Variants in CDH18 observed in about 807,000 individuals in gnomAD.
CDH18 encodes cadherin 18, also known as cadherin-18.
CDH18 carries 31 observed loss-of-function variants against 67.9 expected under a neutral mutation model. That is an observed-to-expected ratio of 0.46 (90% CI 0.34 to 0.62). CDH18 has a LOEUF of 0.62. Among genes scored for constraint, CDH18 ranks in the 20% least tolerant of loss-of-function variants. The pLI, the probability that CDH18 is intolerant of heterozygous loss-of-function variation, is 0.01. For synonymous variants in CDH18, 362 were observed against 347.2 expected, an observed-to-expected ratio of 1.04 and a Z score of -0.48; for missense variants, 890 against 975.5, an observed-to-expected ratio of 0.91 and a Z score of 1.17.
chr5:19,997,190 T>G (rs935542995), intron 2 of CDH18, among the ~76,000 whole-genome samples: 2 of 152,040 alleles, frequency 1.3e-5, no homozygotes, highest in Non-Finnish European at 2.9e-5. Context: ...GAAAAACTTT[T>G]AAAACAAAAT....
intron 2 of CDH18, among the ~76,000 whole-genome samples, chr5:19,935,825 TCTCA>T (rs1561588142): frequency 5.3e-5 from 8 of 150,082 alleles, no homozygotes; most frequent in East Asian, 2.0e-4. Context: ...TCTCTCTCTC[TCTCA>T]CTCTCTCTCT....
At chr5:20,011,126 T>C (rs1737402684) in intron 2 of CDH18, among the ~76,000 whole-genome samples, 1 of 152,176 alleles carries the variant, frequency 6.6e-6, no homozygotes. Context: ...AAAATAATCA[T>C]TCATTGGAAC....
intron 2 of CDH18, among the ~76,000 whole-genome samples, chr5:20,192,104 G>A (rs370957914): frequency 1.3e-5 from 2 of 151,888 alleles, no homozygotes; most frequent in Non-Finnish European, 2.9e-5. Flanking sequence ...TTTCTCTGAT[G>A]ATCAGTGATA....
intron 10 of CDH18, among the ~76,000 whole-genome samples, chr5:19,507,515 A>T (rs1033030306): frequency 3.3e-5 from 5 of 152,162 alleles, no homozygotes; most frequent in Non-Finnish European, 7.3e-5. Context: ...CAAATGTCCA[A>T]CAATGATAGA....
intron 3 of CDH18, among the ~76,000 whole-genome samples, chr5:19,767,190 T>A (rs1773204160): frequency 6.6e-6 from 1 of 152,002 alleles, no homozygotes; most frequent in Admixed American, 6.6e-5. Context: ...ATATAAAAAA[T>A]GTGTTTTTTT....
chr5:19,734,085 T>A (rs1470577386), intron 4 of CDH18, among the ~76,000 whole-genome samples: 1 of 152,202 alleles, frequency 6.6e-6, no homozygotes, highest in Non-Finnish European at 1.5e-5. Context: ...GCAACAAAAT[T>A]TCACAGTGTT....
intron 3 of CDH18, among the ~76,000 whole-genome samples, chr5:19,771,470 C>T (rs1773722785): frequency 6.6e-6 from 1 of 152,110 alleles, no homozygotes; most frequent in South Asian, 2.1e-4. Context: ...CTGAGGCCTG[C>T]CCAGAGACAC....
At chr5:20,366,259 T>C (rs923613742) in intron 1 of CDH18, among the ~76,000 whole-genome samples, 1 of 152,176 alleles carries the variant, frequency 6.6e-6, no homozygotes, top group Non-Finnish European at 1.5e-5. Flanking sequence ...TGGAGAATAA[T>C]GATTGATGCA....
At chr5:19,488,041 A>T (rs1337691663) in intron 11 of CDH18, among the ~76,000 whole-genome samples, 1 of 152,164 alleles carries the variant, frequency 6.6e-6, no homozygotes, top group African/African-American at 2.4e-5. Context: ...AATACAAGTC[A>T]CATGCTTCTG....
intron 4 of CDH18, among the ~76,000 whole-genome samples, chr5:19,736,265 C>T (rs967862160): frequency 6.6e-6 from 1 of 151,994 alleles, no homozygotes; most frequent in Admixed American, 6.6e-5. Context: ...GTAGCACACG[C>T]CTTTAGGTGG....
At chr5:20,189,603 A>G (rs974681386) in intron 2 of CDH18, among the ~76,000 whole-genome samples, 5 of 152,172 alleles carry the variant, frequency 3.3e-5, no homozygotes, top group African/African-American at 1.2e-4. Context: ...TGACATAGCC[A>G]AAGGCTAGAG....
chr5:20,105,892 T>A (rs1315192951), intron 2 of CDH18, among the ~76,000 whole-genome samples: 1 of 152,174 alleles, frequency 6.6e-6, no homozygotes, highest in Non-Finnish European at 1.5e-5. Context: ...GGAAAGTATC[T>A]CTTTGAGTCT....
intron 1 of CDH18, among the ~76,000 whole-genome samples, chr5:20,539,444 T>C (rs138979279): frequency 6.6e-6 from 1 of 152,226 alleles, no homozygotes; most frequent in African/African-American, 2.4e-5. Context: ...ATGTTTCTGG[T>C]AGACTTACAA....
At chr5:20,126,454 G>C (rs561985905) in intron 2 of CDH18, among the ~76,000 whole-genome samples, 7 of 152,168 alleles carry the variant, frequency 4.6e-5, no homozygotes, top group Non-Finnish European at 1.0e-4. Context: ...AACTAAAGTA[G>C]AGAGGTGGGA....
chr5:19,883,779 ATCTCAACTTG>A, intron 2 of CDH18, among the ~76,000 whole-genome samples: 1 of 152,228 alleles, frequency 6.6e-6, no homozygotes, highest in South Asian at 2.1e-4. Context: ...GCAGAACTAA[ATCTCAACTTG>A]TAAATATACA....
Position 19,543,101 on chromosome 5 carries a change from A to G in CDH18, c.1390+768T>C, listed in dbSNP as rs532158193. Among the ~76,000 whole-genome samples the G allele has an allele frequency of 2.0e-5, 3 of 152,232 alleles. No individual in the cohort carries two copies. In the South Asian group the frequency reaches 6.2e-4, roughly 32 times the overall value. Reference sequence around the variant, plus strand: ...CTAAATGTATGTATAACCTCTTCGTACACTTTTAAAGTGAGGATAATTGGT... The same window carrying G: ...CTAAATGTATGTATAACCTCTTCGTGCACTTTTAAAGTGAGGATAATTGGT... On this transcript the variant is annotated intron_variant, in intron 9 of 12. Transcript: ENST00000382275.
intron 2 of CDH18, among the ~76,000 whole-genome samples, chr5:20,105,176 C>G (rs1037506350): frequency 6.6e-6 from 1 of 151,712 alleles, no homozygotes; most frequent in Non-Finnish European, 1.5e-5. Context: ...TAGTAGAGAC[C>G]GGGTTTCACC....
intron 2 of CDH18, among the ~76,000 whole-genome samples, chr5:20,040,122 G>A (rs1177329246): frequency 6.6e-6 from 1 of 152,080 alleles, no homozygotes; most frequent in Non-Finnish European, 1.5e-5. Context: ...CTGGTCATTA[G>A]AGAAATGTAA....
At chr5:20,161,809 T>C (rs1289100035) in intron 2 of CDH18, among the ~76,000 whole-genome samples, 1 of 152,208 alleles carries the variant, frequency 6.6e-6, no homozygotes, top group African/African-American at 2.4e-5. Flanking sequence ...GTTATTTGTA[T>C]TTGCTTTGGT....
Sources: allele counts gnomAD v4.1 joint callset (sites outside exome capture counted in the v4.1 genomes callset), GRCh38; gene constraint gnomAD v4.1.1; transcripts MANE v1.5; gene names NCBI Gene and HGNC (gene_info 2026-07-23, HGNC 2026-07-21).